RPH3AL: variants seen among roughly 807,000 people sequenced by gnomAD.
RPH3AL encodes rabphilin 3A like (without C2 domains), also known as rab effector Noc2.
In RPH3AL, 38 loss-of-function variants were observed where a neutral mutation model predicts 43.1. The ratio of observed to expected loss-of-function variants is 0.88; its 90% CI spans 0.68 to 1.15. RPH3AL has a LOEUF of 1.15. RPH3AL is among the 50% of genes most tolerant of loss of function. The pLI is 0.00. For missense variants in RPH3AL, 462 were observed against 423.2 expected (o/e 1.09, Z -0.81); for synonymous variants, 189 against 176.3 (o/e 1.07, Z -0.57).
chr17:317,191 C>T (rs78992928), intron 5 of RPH3AL, among the ~76,000 whole-genome samples: 120 of 109,762 alleles, frequency 1.1e-3, no homozygotes, highest in African/African-American at 3.0e-3. Context: ...CTCCATTGAC[C>T]TGTAGTCCCT....
In RPH3AL at chr17:333,595, T is replaced by C. The variant is rs914107371; in HGVS notation, c.-37+164A>G. On this transcript the variant is annotated intron_variant, in intron 2 of 9. Coordinates refer to ENST00000331302, the MANE Select transcript of RPH3AL (RefSeq NM_006987.4). This position sits in a 1 kb window ranked among gnomAD's most constrained non-coding sequence, Gnocchi z 4.5. ...ACTTAGTATTCTGAATACAATACGT[T>C]TTACCATCTTCCTGTTTGGGAGCAC... 8.0e-6 allele frequency: 2 copies of C among 251,296 alleles called. No individual in the cohort carries two copies. Among genetic ancestry groups the C allele is most frequent in the African/African-American group, 4.4e-5 (2 of 45,636 alleles). The allele number at this position is 251,296 out of a possible 1,614,324, so 15.6% of individuals were successfully genotyped here.
intron 8 of RPH3AL, among the ~76,000 whole-genome samples, chr17:218,692 G>A (rs2040875338): frequency 6.6e-6 from 1 of 152,164 alleles, no homozygotes; most frequent in African/African-American, 2.4e-5. Context: ...CTCTATACCA[G>A]TCTCAATGCC....
intron 5 of RPH3AL, among the ~76,000 whole-genome samples, chr17:314,974 G>C (rs2043881641): frequency 7.5e-6 from 1 of 133,946 alleles, no homozygotes; most frequent in African/African-American, 3.2e-5. Flanking sequence ...TTGACCAGTA[G>C]TCCCTGTGCC....
At chr17:342,642 T>A (rs531776900) in intron 1 of RPH3AL, among the ~76,000 whole-genome samples, 1 of 152,234 alleles carries the variant, frequency 6.6e-6, no homozygotes, top group East Asian at 1.9e-4. Flanking sequence ...ATGTTCAGAA[T>A]AGACAAATTT....
chr17:273,122 G>A (rs1428839163), intron 6 of RPH3AL, among the ~76,000 whole-genome samples: 67 of 93,826 alleles, frequency 7.1e-4, no homozygotes, highest in African/African-American at 1.9e-3. Flanking sequence ...CCCCAGCGAG[G>A]GTGACGTCAG....
chr17:351,904 G>A (rs1301994962), intron 1 of RPH3AL, among the ~76,000 whole-genome samples: 2 of 152,140 alleles, frequency 1.3e-5, no homozygotes, highest in African/African-American at 2.4e-5. Context: ...CTATATACAG[G>A]TTGTAAATGG....
At chr17:227,486 C>T (rs754494840) in intron 7 of RPH3AL, among the ~76,000 whole-genome samples, 4 of 152,202 alleles carry the variant, frequency 2.6e-5, no homozygotes, top group African/African-American at 4.8e-5. Flanking sequence ...GATGTGGGGG[C>T]CCTGCTTCCA....
intron 1 of RPH3AL, among the ~76,000 whole-genome samples, chr17:347,322 G>T (rs1246967732): frequency 6.6e-6 from 1 of 152,164 alleles, no homozygotes; most frequent in Non-Finnish European, 1.5e-5. Flanking sequence ...GTGGGACTCT[G>T]TATCTATGAA....
intron 1 of RPH3AL, among the ~76,000 whole-genome samples, chr17:352,382 C>T (rs1053971516): frequency 6.6e-6 from 1 of 152,202 alleles, no homozygotes; most frequent in African/African-American, 2.4e-5. Flanking sequence ...TTCAAAGGAC[C>T]ACACAGAAAG....
chr17:249,985 G>A (rs9797206), intron 6 of RPH3AL, among the ~76,000 whole-genome samples: 64,800 of 122,446 alleles, frequency 0.53, 16,004 homozygotes, highest in Middle Eastern at 0.58. Flanking sequence ...AGGACCTCTC[G>A]GAGCCTTTAC....
rs1386079961 is a variant in RPH3AL at position 274,553 on chromosome 17, TGGGAGAGCA to T, written c.438+7206_438+7214del. On this transcript the variant is annotated intron_variant, in intron 6 of 9. Transcript: ENST00000331302. This position sits in a 1 kb window ranked among gnomAD's most constrained non-coding sequence, Gnocchi z 4.7. ...GTATTTCCTGAAGCAAGGCTGCATC[TGGGAGAGCA>T]GGGAGAGCAGGAAGAGCGGAGGAGA... 6.6e-6 allele frequency among the ~76,000 whole-genome samples: 1 copy of T among 152,182 alleles called. No individual in the cohort carries two copies. Among genetic ancestry groups the T allele is most frequent in the African/African-American group, 2.4e-5 (1 of 41,448 alleles).
rs375169503 is a variant in RPH3AL, at chr17:313,806, A to T, written c.351+5614T>A. On this transcript the variant is annotated intron_variant, in intron 5 of 9. Transcript: ENST00000331302. ...ATGAATGAAGATGAATGAACGAATGACACCACCTTCTCCAAGAAGGAAGAG... is the reference window on the plus strand; with the variant it reads ...ATGAATGAAGATGAATGAACGAATGTCACCACCTTCTCCAAGAAGGAAGAG... Among the ~76,000 whole-genome samples the T allele has an allele frequency of 2.4e-4, 37 of 152,212 alleles. No individual in the cohort carries two copies. The Middle Eastern group carries it at 0.01, about 42-fold the overall frequency.
chr17:241,711 C>CTTTTTTTTTTTTTTTTTTTTTTTTT (rs1001979455), intron 7 of RPH3AL, among the ~76,000 whole-genome samples: 4 of 92,764 alleles, frequency 4.3e-5, no homozygotes, highest in Non-Finnish European at 6.7e-5. Flanking sequence ...GTTTCTTTTT[C>CTTTTTTTTTTTTTTTTTTTTTTTTT]TTTTTTTTTC....
chr17:350,439 C>T (rs1393673298), intron 1 of RPH3AL, among the ~76,000 whole-genome samples: 1 of 152,062 alleles, frequency 6.6e-6, no homozygotes, highest in Non-Finnish European at 1.5e-5. Context: ...GGTGAAACAC[C>T]ATCTCCACTA....
intron 5 of RPH3AL, among the ~76,000 whole-genome samples, chr17:282,354 T>G (rs9891894): frequency 0.73 from 111,624 of 152,226 alleles, 42,836 homozygotes; most frequent in Non-Finnish European, 0.84. Context: ...AACGTGACAG[T>G]TACGTAAACT....
intron 7 of RPH3AL, among the ~76,000 whole-genome samples, chr17:242,555 T>A (rs879271886): frequency 7.5e-4 from 23 of 30,626 alleles, no homozygotes; most frequent in East Asian, 1.3e-3. Context: ...CCTCTATTGA[T>A]TACCTTCCTC....
intron 6 of RPH3AL, among the ~76,000 whole-genome samples, chr17:258,973 A>G (rs2042136986): frequency 6.6e-6 from 1 of 151,968 alleles, no homozygotes; most frequent in Admixed American, 6.6e-5. Context: ...ACTTCATACG[A>G]TTCACCCCAA....
chr17:268,948 G>A (rs1003347038), intron 6 of RPH3AL, among the ~76,000 whole-genome samples: 16 of 151,902 alleles, frequency 1.1e-4, no homozygotes, highest in Non-Finnish European at 1.5e-4. Context: ...CCGCGATCTC[G>A]GCTCACCGCA....
intron 5 of RPH3AL, among the ~76,000 whole-genome samples, chr17:292,257 C>A (rs554942998): frequency 6.6e-6 from 1 of 152,366 alleles, no homozygotes; most frequent in East Asian, 1.9e-4. Context: ...GGAGAAGCAT[C>A]ACCTGCCCCA....
Sources: gnomAD v4.1 joint callset for allele counts (sites outside exome capture counted in the v4.1 genomes callset) on GRCh38, gnomAD v4.1.1 for gene constraint, Gnocchi (gnomAD v3.1) non-coding constraint, MANE v1.5 for transcripts, NCBI Gene and HGNC (gene_info 2026-07-23, HGNC 2026-07-21) for gene names.